NRG1: variants seen among roughly 807,000 people sequenced by gnomAD.
NRG1 encodes the protein pro-neuregulin-1, membrane-bound isoform.
Under a neutral mutation model 63.8 loss-of-function variants are expected in NRG1, and 18 were observed. That is an observed-to-expected ratio of 0.28 (90% confidence interval 0.19 to 0.42). NRG1 has a LOEUF of 0.42. NRG1 is among the 10% of genes least tolerant of loss of function. The pLI, the probability that NRG1 is intolerant of heterozygous loss-of-function variation, is 1.00. For missense variants in NRG1, 762 were observed against 814.7 expected (o/e 0.94, Z 0.79); for synonymous variants, 302 against 301.3 (o/e 1.00, Z -0.02).
chr8:32,407,734 C>T (rs973929569), intron 1 of NRG1, among the ~76,000 whole-genome samples: 2 of 152,178 alleles, frequency 1.3e-5, no homozygotes, highest in Admixed American at 1.3e-4. Flanking sequence ...GTGAGCATTC[C>T]TACCTCCAGC....
Position 31,656,735 on chromosome 8 carries a change from A to G in NRG1, c.37+17304A>G, listed in dbSNP as rs146722280. ...TCTCCTGAGCTAAGAATTCTTTCCT[A>G]TGTACCACCTAAGCCCTTTCAGTGA... is the stretch of plus-strand genomic sequence containing the variant. On this transcript the variant is annotated intron_variant, in intron 1 of 10. Transcript: ENST00000519301. Among the ~76,000 whole-genome samples the G allele has an allele frequency of 8.5e-5, 13 of 152,314 alleles. 1 individual carries two copies. The East Asian group carries it at 2.3e-3, about 27-fold the overall frequency.
intron 1 of NRG1, among the ~76,000 whole-genome samples, chr8:32,586,760 G>A (rs1214257597): frequency 6.6e-6 from 1 of 152,166 alleles, no homozygotes; most frequent in Admixed American, 6.5e-5. Context: ...TACCTTACAT[G>A]AAATACACAC....
chr8:31,871,223 C>T (rs1454037570), intron 1 of NRG1, among the ~76,000 whole-genome samples: 7 of 150,576 alleles, frequency 4.6e-5, no homozygotes, highest in Admixed American at 4.6e-4. Context: ...GATCCACCCG[C>T]CTTGGCCTCC....
chr8:32,745,229 G>C (rs539419652), intron 7 of NRG1, among the ~76,000 whole-genome samples: 8 of 152,246 alleles, frequency 5.3e-5, no homozygotes, highest in African/African-American at 1.9e-4. Flanking sequence ...TCACCATAGT[G>C]ACCGTTTTAA....
chr8:32,367,406 CTT>C (rs369041002), intron 1 of NRG1, among the ~76,000 whole-genome samples: 3 of 147,230 alleles, frequency 2.0e-5, no homozygotes, highest in African/African-American at 5.0e-5. Flanking sequence ...TGGTGTTGAA[CTT>C]TTTTTTTTTT....
intron 1 of NRG1, among the ~76,000 whole-genome samples, chr8:31,710,071 G>A (rs189730685): frequency 1.8e-4 from 28 of 151,562 alleles, no homozygotes; most frequent in Admixed American, 3.9e-4. Context: ...TTTGAGCAGT[G>A]CTTTAGCTAT....
At chr8:31,701,608 C>T (rs62506917) in intron 1 of NRG1, among the ~76,000 whole-genome samples, 1,877 of 152,074 alleles carry the variant, frequency 0.012, 23 homozygotes, top group Admixed American at 0.02. Flanking sequence ...TAAAGAAAGG[C>T]GAGAATGATT....
chr8:32,325,360 T>A (rs1376431863), intron 1 of NRG1, among the ~76,000 whole-genome samples: 1 of 152,144 alleles, frequency 6.6e-6, no homozygotes, highest in Non-Finnish European at 1.5e-5. Context: ...ACTTCCTATT[T>A]ATATAATTAA....
intron 1 of NRG1, among the ~76,000 whole-genome samples, chr8:31,755,642 A>G (rs1340799510): frequency 2.0e-5 from 3 of 152,078 alleles, no homozygotes; most frequent in Non-Finnish European, 4.4e-5. Flanking sequence ...GGCTTTATGT[A>G]TGATTAACCA....
intron 1 of NRG1, among the ~76,000 whole-genome samples, chr8:32,059,988 T>C (rs149525048): frequency 1.3e-5 from 2 of 152,120 alleles, no homozygotes; most frequent in Non-Finnish European, 2.9e-5. Context: ...CCCTCTACTT[T>C]TCTATTTTGT....
chr8:31,936,909 C>G (rs74614217), intron 1 of NRG1, among the ~76,000 whole-genome samples: 5,434 of 152,184 alleles, frequency 0.036, 354 homozygotes, highest in African/African-American at 0.12. Flanking sequence ...GCAAAGCTTA[C>G]CTTTTATGTT....
intron 1 of NRG1, among the ~76,000 whole-genome samples, chr8:32,219,928 A>G (rs1390870129): frequency 6.6e-6 from 1 of 152,168 alleles, no homozygotes; most frequent in South Asian, 2.1e-4. Flanking sequence ...GTCCTTTGCT[A>G]TGAATGTTCA....
At chr8:31,700,081 C>T (rs1810482977) in intron 1 of NRG1, among the ~76,000 whole-genome samples, 1 of 152,096 alleles carries the variant, frequency 6.6e-6, no homozygotes, top group African/African-American at 2.4e-5. Flanking sequence ...AGGTACTCTC[C>T]TGATATTTAT....
At chr8:31,766,994 G>A (rs1434231307) in intron 1 of NRG1, among the ~76,000 whole-genome samples, 6 of 152,220 alleles carry the variant, frequency 3.9e-5, no homozygotes, top group African/African-American at 1.4e-4. Context: ...TGTTTTCATG[G>A]GTGAAGAGAG....
chr8:32,095,759 T>C (rs903395215), intron 1 of NRG1, among the ~76,000 whole-genome samples: 3 of 152,294 alleles, frequency 2.0e-5, no homozygotes, highest in Admixed American at 2.0e-4. Flanking sequence ...TATACAAATA[T>C]CGACTCAGTA....
intron 1 of NRG1, among the ~76,000 whole-genome samples, chr8:31,797,007 TG>T (rs1316220643): frequency 6.6e-6 from 1 of 152,106 alleles, no homozygotes; most frequent in Non-Finnish European, 1.5e-5. Context: ...ATGTTATTTT[TG>T]GTGAAGTTCT....
chr8:32,068,596 C>T (rs372192486), intron 1 of NRG1, among the ~76,000 whole-genome samples: 36 of 152,172 alleles, frequency 2.4e-4, no homozygotes, highest in East Asian at 1.2e-3. Context: ...AGGGTTTCTT[C>T]GAGAGCCAAG....
chr8:31,805,888 G>A (rs1162316229), intron 1 of NRG1, among the ~76,000 whole-genome samples: 1 of 149,834 alleles, frequency 6.7e-6, no homozygotes, highest in Non-Finnish European at 1.5e-5. Context: ...TATCGTGGAC[G>A]ATAATAACTA....
At chr8:32,719,055 G>A (rs1301560376) in intron 5 of NRG1, among the ~76,000 whole-genome samples, 1 of 152,042 alleles carries the variant, frequency 6.6e-6, no homozygotes, top group African/African-American at 2.4e-5. Flanking sequence ...TAGTAGCACT[G>A]ATAGTCAATA....
Sources: allele counts gnomAD v4.1 joint callset (sites outside exome capture counted in the v4.1 genomes callset), GRCh38; gene constraint gnomAD v4.1.1; transcripts MANE v1.5; gene names NCBI Gene and HGNC (gene_info 2026-07-23, HGNC 2026-07-21).